Variants in BRAF observed in about 807,000 individuals in gnomAD.
BRAF encodes B-Raf proto-oncogene, serine/threonine kinase, also known as serine/threonine-protein kinase B-raf.
In BRAF, 16 loss-of-function variants were observed where a neutral mutation model predicts 104.6. That is an observed-to-expected ratio of 0.15 (90% CI 0.10 to 0.23). The LOEUF (loss-of-function observed/expected upper bound fraction) is 0.23, where lower values mean the gene tolerates loss of function less well. Ranked by LOEUF, BRAF falls within the 10% of genes least tolerant of loss-of-function variation. The pLI, the probability that BRAF is intolerant of heterozygous loss-of-function variation, is 1.00. For synonymous variants in BRAF, 310 were observed against 341.6 expected (o/e 0.91, Z 1.02); for missense variants, 541 against 937.3 (o/e 0.58, Z 5.52).
intron 17 of BRAF, among the ~76,000 whole-genome samples, chr7:140,746,768 T>C (rs898225066): frequency 3.3e-5 from 5 of 150,102 alleles, no homozygotes; most frequent in African/African-American, 1.2e-4. Flanking sequence ...AGGCAGAGGT[T>C]GCAGTGAGCT....
chr7:140,767,632 G>A (rs1338618854), intron 14 of BRAF, among the ~76,000 whole-genome samples: 1 of 152,180 alleles, frequency 6.6e-6, no homozygotes, highest in Non-Finnish European at 1.5e-5. Flanking sequence ...GACAGTGAAT[G>A]AACTAGGAAA....
rs1045228728 is a variant in BRAF, at chr7:140,725,292, A to C, written c.*1202T>G. The stretch of plus-strand genomic sequence containing the variant: ...TGGATCCAGCAAGTACCATTAATTG[A>C]AAAATTATAAATATTTGTCATTATG... On this transcript the variant is annotated 3_prime_UTR_variant, in exon 20 of 20. Transcript: ENST00000644969. 50 of 1,035,826 alleles carry C rather than the reference A, an allele frequency of 4.8e-5. No homozygotes were observed. Among genetic ancestry groups the C allele is most frequent in the African/African-American group, 8.4e-5 (5 of 59,678 alleles). The allele number at this position is 1,035,826 out of a possible 1,614,324, so 64.2% of individuals were successfully genotyped here.
At chr7:140,877,800 G>A (rs571827814) in intron 1 of BRAF, among the ~76,000 whole-genome samples, 2 of 152,018 alleles carry the variant, frequency 1.3e-5, no homozygotes, top group South Asian at 2.1e-4. Context: ...ACTCTCACAG[G>A]ATAAAAGATA....
At chr7:140,895,533 T>C (rs767988722) in intron 1 of BRAF, among the ~76,000 whole-genome samples, 6 of 152,284 alleles carry the variant, frequency 3.9e-5, no homozygotes, top group African/African-American at 7.2e-5. Flanking sequence ...TCCTCCTATC[T>C]AGCTGTAATT....
At chr7:140,836,108 G>GT (rs1287380370) in intron 2 of BRAF, 1 of 152,132 alleles carries the variant, frequency 6.6e-6, no homozygotes, top group Non-Finnish European at 1.5e-5. Flanking sequence ...CAAAGAGTTT[G>GT]TTTTTTCTGT....
intron 6 of BRAF, chr7:140,801,184 A>G: frequency 2.0e-6 from 1 of 490,468 alleles, no homozygotes. Context: ...TGATTAATTA[A>G]ACGATAATAT....
At chr7:140,864,101 C>A (rs17695707) in intron 1 of BRAF, among the ~76,000 whole-genome samples, 1 of 152,046 alleles carries the variant, frequency 6.6e-6, no homozygotes, top group South Asian at 2.1e-4. Flanking sequence ...GAATGGATTA[C>A]GGTGCGCCAA....
chr7:140,716,125 T>C (rs1265846424), downstream of BRAF, among the ~76,000 whole-genome samples: 1 of 152,258 alleles, frequency 6.6e-6, no homozygotes, highest in Non-Finnish European at 1.5e-5. Flanking sequence ...TTTCATTTTA[T>C]TCTACATACT....
Position 140,786,466 on chromosome 7 carries a change from C to T in BRAF, c.1178-658G>A, listed in dbSNP as rs76872528. ...AACAGGGAAGGTAAGTGTAAAGGAC[C>T]TCCTGGAAGAACACTTCAAGACAGT... On this transcript the variant is annotated intron_variant, in intron 9 of 19. Transcript: ENST00000644969. Among the ~76,000 whole-genome samples, 741 of 152,220 alleles carry T rather than the reference C, an allele frequency of 4.9e-3. 6 individuals are homozygous for T. The highest frequency in any genetic ancestry group is 0.017 in the African/African-American group (706 of 41,526).
intron 1 of BRAF, among the ~76,000 whole-genome samples, chr7:140,887,398 C>T (rs994165073): frequency 3.9e-5 from 6 of 152,100 alleles, no homozygotes; most frequent in African/African-American, 1.4e-4. Context: ...GATATAGGAC[C>T]AACAATCTTC....
At chr7:140,872,247 C>CAAATAAATAAATAAA (rs1811688276) in intron 1 of BRAF, among the ~76,000 whole-genome samples, 1 of 111,758 alleles carries the variant, frequency 8.9e-6, no homozygotes, top group African/African-American at 5.6e-5. Flanking sequence ...AAATAAATTG[C>CAAATAAATAAATAAA]ACAGAACAAG....
chr7:140,884,427 ATATGTGTGTGTGTGTGTGTGTGTGTG>A (rs1488152569), intron 1 of BRAF, among the ~76,000 whole-genome samples: 171 of 114,664 alleles, frequency 1.5e-3, no homozygotes, highest in African/African-American at 5.1e-3. Flanking sequence ...TATATATAAG[ATATGTGTGTGTGTGTGTGTGTGTGTG>A]TGTGTGTGTG....
At chr7:140,719,255 G>T, downstream of BRAF, 1 of 604,440 alleles carries the variant, frequency 1.7e-6, no homozygotes, top group Non-Finnish European at 2.1e-6. Flanking sequence ...TCTCTCCATT[G>T]TCTAGAAAAA....
intron 16 of BRAF, among the ~76,000 whole-genome samples, chr7:140,751,997 A>C (rs570012603): frequency 6.6e-6 from 1 of 152,296 alleles, no homozygotes; most frequent in East Asian, 1.9e-4. Context: ...CACTCTTAAA[A>C]ATTATTGAGG....
chr7:140,782,463 C>CAA (rs56390228), intron 11 of BRAF, among the ~76,000 whole-genome samples: 24,910 of 103,294 alleles, frequency 0.24, 3,783 homozygotes, highest in African/African-American at 0.46. Flanking sequence ...TCGGTCTTTC[C>CAA]AAAAAAAAAA....
intron 1 of BRAF, among the ~76,000 whole-genome samples, chr7:140,882,601 C>T (rs1563014739): frequency 1.3e-5 from 2 of 152,162 alleles, no homozygotes; most frequent in East Asian, 3.9e-4. Context: ...TGGTCTTGAA[C>T]ACCAGACCTT....
chr7:140,744,051 C>T (rs1327569374), intron 17 of BRAF, among the ~76,000 whole-genome samples: 1 of 152,230 alleles, frequency 6.6e-6, no homozygotes, highest in African/African-American at 2.4e-5. Context: ...TTGCTCTTGG[C>T]TCCTGGGAGG....
chr7:140,747,352 A>T, intron 17 of BRAF: 1 of 1,237,072 alleles, frequency 8.1e-7, no homozygotes, highest in Non-Finnish European at 1.0e-6. Context: ...AGAATTAACT[A>T]GTAAAGGCCT....
At chr7:140,769,998 A>ATGC (rs1358319629) in intron 14 of BRAF, among the ~76,000 whole-genome samples, 2 of 152,190 alleles carry the variant, frequency 1.3e-5, no homozygotes, top group Non-Finnish European at 2.9e-5. Context: ...TACTTCCAGA[A>ATGC]TGCTGTTAAG....
Sources: gnomAD v4.1 joint callset for allele counts (sites outside exome capture counted in the v4.1 genomes callset) on GRCh38, gnomAD v4.1.1 for gene constraint, MANE v1.5 for transcripts, NCBI Gene and HGNC (gene_info 2026-07-23, HGNC 2026-07-21) for gene names.